Variants in ORC5 observed in about 807,000 individuals in gnomAD.
ORC5 encodes the protein origin recognition complex subunit 5, also known as protein phosphatase 1, regulatory subunit 117.
ORC5 carries 39 observed loss-of-function variants against 58.8 expected under a neutral mutation model. That is an observed-to-expected ratio of 0.66 (90% CI 0.51 to 0.87). The LOEUF (loss-of-function observed/expected upper bound fraction) is 0.87. Among genes scored for constraint, ORC5 ranks in the 40% least tolerant of loss-of-function variants. The pLI is 0.00. For missense variants in ORC5, 493 were observed against 506.3 expected, an observed-to-expected ratio of 0.97 and a Z score of 0.25; for synonymous variants, 218 against 177.6, an observed-to-expected ratio of 1.23 and a Z score of -1.81.
chr7:104,193,488 C>T (rs1407579723), intron 5 of ORC5, among the ~76,000 whole-genome samples: 1 of 151,920 alleles, frequency 6.6e-6, no homozygotes, highest in Non-Finnish European at 1.5e-5. Context: ...GAGGTAAAGA[C>T]CAGAAAACGA....
intron 13 of ORC5, among the ~76,000 whole-genome samples, chr7:104,127,287 G>A (rs748221199): frequency 1.6e-4 from 24 of 152,106 alleles, no homozygotes; most frequent in Non-Finnish European, 3.2e-4. Flanking sequence ...TTTATCTTCC[G>A]AGACACCTGT....
At chr7:104,184,801 A>T (rs1799509641) in intron 6 of ORC5, among the ~76,000 whole-genome samples, 1 of 151,980 alleles carries the variant, frequency 6.6e-6, no homozygotes, top group Non-Finnish European at 1.5e-5. Flanking sequence ...TTAACTCTCA[A>T]GAAAGAGACT....
At chr7:104,204,434 G>C (rs1800024493) in intron 1 of ORC5, among the ~76,000 whole-genome samples, 200 bp from the exon 2 acceptor site, 1 of 152,072 alleles carries the variant, frequency 6.6e-6, no homozygotes, top group Non-Finnish European at 1.5e-5. Context: ...AAATTAAAAT[G>C]TATGTAACAT....
rs376421934 is a variant in ORC5, at chr7:104,136,881, C to T, written c.1162G>A (p.Val388Met). Residue 388 changes from valine (V) to methionine (M), a missense_variant, in exon 13 of 14, where the codon GTG becomes ATG. Physicochemically the swap from Val to Met is conservative, Grantham distance 21. This residue lies in a region of ORC5 where 77 missense variants were observed against 86.1 expected (regional missense o/e 0.89). Transcript: ENST00000297431. This position sits in a 1 kb window ranked among gnomAD's most constrained non-coding sequence, Gnocchi z 4.2. ...ANIFSQITSL[V>M]TLQLLTLVGH... ...ACCAGGGTTAACAGCTGAAGGGTCA[C>T]TAGAGAGGTAATCTAAAAGAGAACA... is the stretch of plus-strand genomic sequence containing the variant. 5 of 1,611,370 alleles carry T rather than the reference C, an allele frequency of 3.1e-6. No individual in the cohort carries two copies. In the South Asian group the frequency reaches 4.4e-5, roughly 14 times the overall value.
chr7:104,149,033 C>CAA (rs35619742), intron 12 of ORC5, among the ~76,000 whole-genome samples: 6 of 122,818 alleles, frequency 4.9e-5, no homozygotes, highest in Non-Finnish European at 1.0e-4. Context: ...GACTCCGTCT[C>CAA]AAAAAAAAAA....
chr7:104,139,071 C>T (rs1798633702), intron 12 of ORC5, among the ~76,000 whole-genome samples: 1 of 152,140 alleles, frequency 6.6e-6, no homozygotes, highest in Admixed American at 6.6e-5. Flanking sequence ...TCAGCAATGG[C>T]AGTAAGATAA....
At chr7:104,174,656 C>T (rs1474392087) in intron 8 of ORC5, among the ~76,000 whole-genome samples, 2 of 152,178 alleles carry the variant, frequency 1.3e-5, no homozygotes, top group Non-Finnish European at 2.9e-5. Context: ...TGGCACCATG[C>T]AACGGCAGTC....
intron 8 of ORC5, among the ~76,000 whole-genome samples, chr7:104,169,745 T>C (rs7804341): frequency 0.15 from 22,855 of 152,212 alleles, 2,021 homozygotes; most frequent in East Asian, 0.23. Flanking sequence ...TATTCTTTGA[T>C]GCCCATCTCT....
chr7:104,196,787 T>G (rs1184591423), intron 4 of ORC5, among the ~76,000 whole-genome samples: 1 of 152,134 alleles, frequency 6.6e-6, no homozygotes, highest in East Asian at 1.9e-4. Context: ...CAAAATAAAT[T>G]TATAAATACG....
At chr7:104,179,338 G>C (rs954040859) in intron 8 of ORC5, among the ~76,000 whole-genome samples, 1 of 152,146 alleles carries the variant, frequency 6.6e-6, no homozygotes, top group Non-Finnish European at 1.5e-5. Context: ...AATAACTAAA[G>C]ATCTAAGCAT....
rs1584521329 is a variant in ORC5 at position 104,195,349 on chromosome 7, A to C, written c.442-95T>G. On this transcript the variant is annotated intron_variant, in intron 4 of 13. Coordinates refer to ENST00000297431, the MANE Select transcript of ORC5 (RefSeq NM_002553.4). ...ATTTTTCTTTCAAATACATCCCCCC[A>C]GAGTTCTAACCTATAACAAATTATT... 4.9e-6 allele frequency: 3 copies of C among 612,732 alleles called. No individual in the cohort carries two copies. In the African/African-American group the frequency reaches 5.9e-5, roughly 12 times the overall value. 38.0% of individuals were successfully genotyped at this position (612,732 alleles called of 1,614,324 possible).
At chr7:104,205,084 CTCTTTTTT>C (rs1252766604) in intron 1 of ORC5, among the ~76,000 whole-genome samples, 8 of 102,394 alleles carry the variant, frequency 7.8e-5, no homozygotes, top group African/African-American at 2.4e-4. Context: ...TTTAATAATA[CTCTTTTTT>C]TTTTTTTTTT....
chr7:104,155,595 G>A (rs1264062253), intron 12 of ORC5, among the ~76,000 whole-genome samples: 1 of 151,442 alleles, frequency 6.6e-6, no homozygotes, highest in Non-Finnish European at 1.5e-5. Context: ...GATCGAAGCA[G>A]ATCAATGAAA....
intron 12 of ORC5, among the ~76,000 whole-genome samples, chr7:104,142,707 T>C (rs1276257010): frequency 2.0e-5 from 3 of 152,174 alleles, no homozygotes; most frequent in South Asian, 4.1e-4. Flanking sequence ...GATGAAAATA[T>C]GTTAAACATC....
chr7:104,207,551 T>G (rs1014542178), intron 1 of ORC5, among the ~76,000 whole-genome samples: 1 of 152,142 alleles, frequency 6.6e-6, no homozygotes, highest in Non-Finnish European at 1.5e-5. Flanking sequence ...ACAAGCAACT[T>G]CTAGGAGCTA....
At chr7:104,175,111 C>T (rs1203732450) in intron 8 of ORC5, among the ~76,000 whole-genome samples, 3 of 152,202 alleles carry the variant, frequency 2.0e-5, no homozygotes, top group African/African-American at 7.2e-5. Context: ...TAAAACTTGC[C>T]TGTCTCTCCT....
Position 104,195,118 on chromosome 7 carries a change from G to C in ORC5, c.553+25C>G, listed in dbSNP as rs113097951. 1.6e-5 allele frequency: 19 copies of C among 1,220,078 alleles called. No homozygotes were observed. The African/African-American group carries it at 1.6e-4, about 10-fold the overall frequency. The allele number at this position is 1,220,078 out of a possible 1,614,324, so 75.6% of individuals were successfully genotyped here. A position where few individuals can be genotyped will look rare whatever the true frequency, so the allele number is the denominator to read the frequency against. ...AAAACTATTCTCCTGCATATCATTT[G>C]CCAAAACAATGTTTTAAGGTTTACC... On this transcript the variant is annotated intron_variant, in intron 5 of 13. Transcript: ENST00000297431.
rs994380211 is a variant in ORC5 at position 104,138,520 on chromosome 7, T to C, written c.1150-1627A>G. Among the ~76,000 whole-genome samples, 1 of 151,812 alleles carries C rather than the reference T, an allele frequency of 6.6e-6. No individual in the cohort carries two copies. The highest frequency in any genetic ancestry group is 1.5e-5 in the Non-Finnish European group (1 of 67,990). ...TTCTTTCCTTCTTTTCTTTCTTTTT[T>C]TTTTTCTGAGGCAGGGTCTCACTCC... On this transcript the variant is annotated intron_variant, in intron 12 of 13. Transcript: ENST00000297431. The surrounding 1 kb of genome is among the most constrained non-coding windows in gnomAD (Gnocchi z 4.7).
chr7:104,182,920 A>C (rs949317854), intron 8 of ORC5, among the ~76,000 whole-genome samples: 3 of 152,142 alleles, frequency 2.0e-5, no homozygotes, highest in Non-Finnish European at 4.4e-5. Context: ...GGATCACCTG[A>C]GGTCAGGAGT....
Sources: allele counts gnomAD v4.1 joint callset (sites outside exome capture counted in the v4.1 genomes callset), GRCh38; gene constraint gnomAD v4.1.1; regional missense constraint gnomAD v4.1.1; non-coding constraint Gnocchi (gnomAD v3.1); transcripts MANE v1.5; gene names NCBI Gene and HGNC (gene_info 2026-07-23, HGNC 2026-07-21).